The following HS1BP3 variants were observed in gnomAD, a reference collection of about 807,000 sequenced individuals.
HS1BP3 encodes HCLS1-binding protein 3.
In HS1BP3, 32 loss-of-function variants were observed where a neutral mutation model predicts 33.5. The observed-to-expected ratio is 0.95, with a 90% confidence interval of 0.72 to 1.28. HS1BP3 has a LOEUF of 1.28. HS1BP3 is among the 50% of genes most tolerant of loss of function. The pLI is 0.00. For missense variants in HS1BP3, 486 were observed against 502.3 expected (o/e 0.97, Z 0.31); for synonymous variants, 187 against 209.2 (o/e 0.89, Z 0.92).
At chr2:20,640,929 T>C (rs1695320121) in intron 3 of HS1BP3, 44 bp downstream of exon 3, 1 of 1,595,000 alleles carries the variant, frequency 6.3e-7, no homozygotes, top group Non-Finnish European at 8.6e-7. Context: ...GGCCTAGTTC[T>C]GGGCCGGGGA....
intron 5 of HS1BP3, among the ~76,000 whole-genome samples, chr2:20,563,489 T>C (rs1693052076): frequency 6.6e-6 from 1 of 152,176 alleles, no homozygotes; most frequent in Non-Finnish European, 1.5e-5. Flanking sequence ...GTCCGCAGAC[T>C]CAATAAGGAG....
chr2:20,585,607 C>T (rs1693661553), intron 5 of HS1BP3, among the ~76,000 whole-genome samples: 1 of 152,208 alleles, frequency 6.6e-6, no homozygotes. Flanking sequence ...TTTGCCACAA[C>T]ATCAGATTTC....
At chr2:20,563,821 C>T (rs539228948) in intron 5 of HS1BP3, among the ~76,000 whole-genome samples, 4 of 152,222 alleles carry the variant, frequency 2.6e-5, no homozygotes, top group East Asian at 1.9e-4. Flanking sequence ...CCAGCGGTAT[C>T]GACATCCCCT....
chr2:20,561,571 C>A (rs112557050), intron 5 of HS1BP3, among the ~76,000 whole-genome samples: 3 of 152,062 alleles, frequency 2.0e-5, no homozygotes, highest in African/African-American at 4.8e-5. Context: ...ACACACACAC[C>A]CACATGCCTC....
At chr2:20,574,402 T>A (rs1693350273) in intron 5 of HS1BP3, among the ~76,000 whole-genome samples, 6 of 152,246 alleles carry the variant, frequency 3.9e-5, no homozygotes, top group Admixed American at 3.9e-4. Flanking sequence ...CTTGTAGTGT[T>A]TGAGGAGATT....
chr2:20,586,495 G>A (rs1195939640), intron 5 of HS1BP3: 1 of 152,192 alleles, frequency 6.6e-6, no homozygotes, highest in African/African-American at 2.4e-5. Context: ...GGAAAAGGAT[G>A]TTTGTTTAGA....
rs1694503075 is a variant in HS1BP3, at chr2:20,618,879, G to A, written c.*108C>T. 6.9e-7 allele frequency: 1 copy of A among 1,458,406 alleles called. No homozygotes were observed. The highest frequency in any genetic ancestry group is 9.0e-7 in the Non-Finnish European group (1 of 1,107,936). The allele number at this position is 1,458,406 out of a possible 1,614,324, so 90.3% of individuals were successfully genotyped here. A position where few individuals can be genotyped will look rare whatever the true frequency, so the allele number is the denominator to read the frequency against. On this transcript the variant is annotated 3_prime_UTR_variant, in exon 7 of 7. Transcript: ENST00000304031. ...GTGCTGTGACCCAGGCTTCTGCCTG[G>A]CCTCCCCTGGGGGTGGGGAGGTTCT...
chr2:20,644,584 T>C (rs1042730785), intron 2 of HS1BP3, among the ~76,000 whole-genome samples: 13 of 152,184 alleles, frequency 8.5e-5, no homozygotes, highest in Non-Finnish European at 1.9e-4. Context: ...GCAAATGTGG[T>C]GCATGTTACC....
chr2:20,642,384 G>C (rs13395066), intron 2 of HS1BP3, among the ~76,000 whole-genome samples: 1,797 of 152,162 alleles, frequency 0.012, 49 homozygotes, highest in African/African-American at 0.042. Flanking sequence ...AGAACCTCCA[G>C]TGGGGAGTCA....
intron 3 of HS1BP3, among the ~76,000 whole-genome samples, chr2:20,595,819 C>T (rs1693930672): frequency 6.6e-6 from 1 of 152,164 alleles, no homozygotes; most frequent in Non-Finnish European, 1.5e-5. Flanking sequence ...CCATCACGGC[C>T]CATCAGGGGA....
intron 2 of HS1BP3, among the ~76,000 whole-genome samples, chr2:20,610,725 C>T (rs1314889813): frequency 6.6e-6 from 1 of 152,174 alleles, no homozygotes; most frequent in African/African-American, 2.4e-5. Flanking sequence ...AGTTTTAACT[C>T]CTTTGGGTAA....
At chr2:20,597,067 C>T (rs900506018) in intron 3 of HS1BP3, among the ~76,000 whole-genome samples, 2 of 152,254 alleles carry the variant, frequency 1.3e-5, no homozygotes, top group Non-Finnish European at 2.9e-5. Flanking sequence ...AGGGGAGACA[C>T]AGGCCGCCAC....
chr2:20,568,210 T>A (rs11683975), intron 5 of HS1BP3, among the ~76,000 whole-genome samples: 1 of 151,872 alleles, frequency 6.6e-6, no homozygotes, highest in Non-Finnish European at 1.5e-5. Flanking sequence ...AAGGTGGTGC[T>A]GGGGGGTGCG....
chr2:20,607,196 C>T (rs1041670199), intron 2 of HS1BP3, among the ~76,000 whole-genome samples: 6 of 151,376 alleles, frequency 4.0e-5, no homozygotes, highest in Admixed American at 3.3e-4. Flanking sequence ...TGCTCCATCG[C>T]CCAGGCTGGA....
chr2:20,621,961 G>A (rs1274520685), intron 6 of HS1BP3, among the ~76,000 whole-genome samples: 1 of 152,204 alleles, frequency 6.6e-6, no homozygotes, highest in African/African-American at 2.4e-5. Context: ...CCAGTGGGGG[G>A]TAAGGGAGCT....
At chr2:20,633,587 A>C (rs1435675204) in intron 4 of HS1BP3, among the ~76,000 whole-genome samples, 1 of 152,198 alleles carries the variant, frequency 6.6e-6, no homozygotes, top group Non-Finnish European at 1.5e-5. Flanking sequence ...CAGTGGCACA[A>C]TCTCAGCTCA....
At chr2:20,612,930 C>T (rs1694344104), downstream of HS1BP3, among the ~76,000 whole-genome samples, 1 of 152,160 alleles carries the variant, frequency 6.6e-6, no homozygotes, top group African/African-American at 2.4e-5. Flanking sequence ...CATTCCACAG[C>T]CATGGATTTT....
At chr2:20,561,056 C>T (rs939250204) in intron 5 of HS1BP3, among the ~76,000 whole-genome samples, 1 of 152,186 alleles carries the variant, frequency 6.6e-6, no homozygotes, top group Admixed American at 6.5e-5. Context: ...CAGGTCTCTC[C>T]AGGTCTAGAC....
At chr2:20,627,357 C>T (rs954625743) in intron 4 of HS1BP3, among the ~76,000 whole-genome samples, 1 of 152,256 alleles carries the variant, frequency 6.6e-6, no homozygotes, top group East Asian at 1.9e-4. Flanking sequence ...CCACGGGCCC[C>T]TCGGGGCAGG....
Sources: gnomAD v4.1 joint callset for allele counts (sites outside exome capture counted in the v4.1 genomes callset) on GRCh38, gnomAD v4.1.1 for gene constraint, MANE v1.5 for transcripts, NCBI Gene and HGNC (gene_info 2026-07-23, HGNC 2026-07-21) for gene names.